Variants in TMEM132D observed in about 807,000 individuals in gnomAD.
TMEM132D encodes the protein mature OL transmembrane protein.
A neutral mutation model predicts 62.3 loss-of-function variants in TMEM132D; 21 were observed. The ratio of observed to expected loss-of-function variants is 0.34; its 90% CI spans 0.24 to 0.49. The LOEUF is 0.49. TMEM132D is among the 20% of genes least tolerant of loss of function. TMEM132D has a pLI of 0.99. For synonymous variants in TMEM132D, 621 were observed against 575.6 expected, an observed-to-expected ratio of 1.08 and a Z score of -1.13; for missense variants, 1,346 against 1,402.8, an observed-to-expected ratio of 0.96 and a Z score of 0.65.
At position 129,820,880 on chromosome 12, in the gene TMEM132D, C is replaced by T. The variant is rs574676998; in HGVS notation, c.79+82381G>A. Among the ~76,000 whole-genome samples the T allele has an allele frequency of 1.3e-3, 192 of 152,308 alleles. 1 individual carries two copies. The highest frequency in any genetic ancestry group is 1.9e-3 in the Non-Finnish European group (127 of 68,026). ...CTGGGACTGCAAGTGTGCACCAACACGCCTGGCTGCCCCCAGATTTTAATT... is the reference window on the plus strand; with the variant it reads ...CTGGGACTGCAAGTGTGCACCAACATGCCTGGCTGCCCCCAGATTTTAATT... On this transcript the variant is annotated intron_variant, in intron 1 of 8. Transcript: ENST00000422113.
chr12:129,565,664 A>T lies in TMEM132D; in HGVS notation c.969-34459T>A, dbSNP rs372903869. Reference sequence around the variant, plus strand: ...CATTCTGCCTGGTCTTTCAGAGCGAACTGTCTCTTTTAAGCAAACTCTGTT... The same window carrying T: ...CATTCTGCCTGGTCTTTCAGAGCGATCTGTCTCTTTTAAGCAAACTCTGTT... On this transcript the variant is annotated intron_variant, in intron 2 of 8. Transcript: ENST00000422113. 2.1e-3 allele frequency among the ~76,000 whole-genome samples: 313 copies of T among 152,316 alleles called. 1 individual carries two copies. Among genetic ancestry groups the T allele is most frequent in the African/African-American group, 7.2e-3 (298 of 41,574 alleles).
chr12:129,195,344 A>C (rs921065324), intron 5 of TMEM132D, among the ~76,000 whole-genome samples: 7 of 151,880 alleles, frequency 4.6e-5, no homozygotes, highest in African/African-American at 1.7e-4. Flanking sequence ...AGGGGCTAAG[A>C]GGGAGGGTGG....
At chr12:129,760,056 C>CT (rs1870302184) in intron 1 of TMEM132D, among the ~76,000 whole-genome samples, 1 of 152,046 alleles carries the variant, frequency 6.6e-6, no homozygotes, top group Non-Finnish European at 1.5e-5. Flanking sequence ...AGGTGTTTGC[C>CT]ATCACACCTG....
chr12:129,310,036 A>C (rs1206808732), intron 4 of TMEM132D, among the ~76,000 whole-genome samples: 2 of 150,260 alleles, frequency 1.3e-5, no homozygotes, highest in Non-Finnish European at 2.9e-5. Context: ...TACAGCCAGA[A>C]AATCTAGATG....
intron 1 of TMEM132D, among the ~76,000 whole-genome samples, chr12:129,711,454 A>T (rs7139284): frequency 2.0e-5 from 3 of 152,160 alleles, no homozygotes; most frequent in Admixed American, 6.5e-5. Context: ...GGCCAGGCAC[A>T]GTGGCTCACG....
chr12:129,621,781 C>G (rs559214996), intron 2 of TMEM132D, among the ~76,000 whole-genome samples: 1 of 152,194 alleles, frequency 6.6e-6, no homozygotes, highest in African/African-American at 2.4e-5. Context: ...GGCTAAATGA[C>G]TTGCTCAGAG....
chr12:129,423,181 C>G (rs554986090), intron 3 of TMEM132D, among the ~76,000 whole-genome samples: 1 of 152,226 alleles, frequency 6.6e-6, no homozygotes, highest in Non-Finnish European at 1.5e-5. Flanking sequence ...CACATACACA[C>G]ATATACAAAC....
intron 1 of TMEM132D, among the ~76,000 whole-genome samples, chr12:129,806,459 C>T (rs1324621492): frequency 1.5e-5 from 2 of 132,950 alleles, no homozygotes; most frequent in Admixed American, 7.7e-5. Flanking sequence ...AACCAAACAC[C>T]GCATATTCTC....
intron 2 of TMEM132D, among the ~76,000 whole-genome samples, chr12:129,612,300 C>A (rs1878797835): frequency 6.6e-6 from 1 of 152,170 alleles, no homozygotes; most frequent in Non-Finnish European, 1.5e-5. Context: ...CAGCTCTGCC[C>A]TTTCCATCCT....
At chr12:129,768,738 C>T (rs967253107) in intron 1 of TMEM132D, among the ~76,000 whole-genome samples, 1 of 152,178 alleles carries the variant, frequency 6.6e-6, no homozygotes, top group African/African-American at 2.4e-5. Flanking sequence ...ATGCTGGCAA[C>T]AGCCTCCCTC....
In TMEM132D at chr12:129,081,738, G is replaced by T. The variant is rs890897100; in HGVS notation, c.1923+21C>A. 7.1e-6 allele frequency: 10 copies of T among 1,415,552 alleles called. No individual in the cohort carries two copies. The Admixed American group carries it at 1.9e-4, about 27-fold the overall frequency. 87.7% of individuals were successfully genotyped at this position (1,415,552 alleles called of 1,614,324 possible). A position where few individuals can be genotyped will look rare whatever the true frequency, so the allele number is the denominator to read the frequency against. ...GAAGACAGAGAGATCTTGATTTGGGGATTTTTTTTTTTTTTTTTACCTGAA... is the reference window on the plus strand; with the variant it reads ...GAAGACAGAGAGATCTTGATTTGGGTATTTTTTTTTTTTTTTTTACCTGAA... On this transcript the variant is annotated intron_variant, in intron 7 of 8. Transcript: ENST00000422113.
At chr12:129,337,864 T>A (rs2135658571) in intron 3 of TMEM132D, 47 bp from the exon 4 acceptor site, 1 of 1,536,510 alleles carries the variant, frequency 6.5e-7, no homozygotes, top group Non-Finnish European at 8.8e-7. Context: ...ACTGATGAGG[T>A]ATGGCACGCT....
chr12:129,810,833 A>T (rs1872152061), intron 1 of TMEM132D, among the ~76,000 whole-genome samples: 1 of 152,204 alleles, frequency 6.6e-6, no homozygotes, highest in Non-Finnish European at 1.5e-5. Flanking sequence ...AATCAAAATT[A>T]TTCCTAACTA....
chr12:129,593,280 G>GT lies in TMEM132D; in HGVS notation c.969-62076dup, dbSNP rs1397002845. On this transcript the variant is annotated intron_variant, in intron 2 of 8. Coordinates refer to ENST00000422113, the MANE Select transcript of TMEM132D (RefSeq NM_133448.3). Reference sequence around the variant, plus strand: ...TTCTTCCTAGCACCATCATGGTGAAGTAACTTTCTTCAATGGCATCCTGGC... The same window carrying GT: ...TTCTTCCTAGCACCATCATGGTGAAGTTAACTTTCTTCAATGGCATCCTGGC... Among the ~76,000 whole-genome samples, 5 of 152,310 alleles carry GT rather than the reference G, an allele frequency of 3.3e-5. No individual in the cohort carries two copies. In the East Asian group the frequency reaches 7.7e-4, roughly 24 times the overall value.
At chr12:129,654,067 G>A (rs1201681295) in intron 2 of TMEM132D, among the ~76,000 whole-genome samples, 1 of 152,104 alleles carries the variant, frequency 6.6e-6, no homozygotes, top group African/African-American at 2.4e-5. Context: ...TCCTTTGACT[G>A]GGATTTGTCT....
intron 5 of TMEM132D, among the ~76,000 whole-genome samples, chr12:129,197,649 T>C (rs1174605410): frequency 2.0e-5 from 3 of 152,166 alleles, no homozygotes; most frequent in South Asian, 2.1e-4. Context: ...CAACTCAAAA[T>C]AAAGACTTAA....
At chr12:129,335,561 GTGGAGACCATAATT>G (rs1869245016) in intron 4 of TMEM132D, among the ~76,000 whole-genome samples, 1 of 152,182 alleles carries the variant, frequency 6.6e-6, no homozygotes, top group African/African-American at 2.4e-5. Context: ...TGAATAGCTA[GTGGAGACCATAATT>G]TGTTATGTTA....
chr12:129,889,968 C>G (rs192642105), intron 1 of TMEM132D, among the ~76,000 whole-genome samples: 10 of 152,258 alleles, frequency 6.6e-5, no homozygotes, highest in African/African-American at 2.4e-4. Flanking sequence ...TTCCTAGAAG[C>G]CTCATGAAAA....
chr12:129,652,839 T>G (rs1194896314), intron 2 of TMEM132D, among the ~76,000 whole-genome samples: 1 of 152,186 alleles, frequency 6.6e-6, no homozygotes. Flanking sequence ...AGCATCACTC[T>G]TTGCCAGACA....
Sources: allele counts gnomAD v4.1 joint callset (sites outside exome capture counted in the v4.1 genomes callset), GRCh38; gene constraint gnomAD v4.1.1; transcripts MANE v1.5; gene names NCBI Gene and HGNC (gene_info 2026-07-23, HGNC 2026-07-21).